RARB: variants seen among roughly 807,000 people sequenced by gnomAD.
RARB encodes HBV-activated protein.
Under a neutral mutation model 51.9 loss-of-function variants are expected in RARB, and 17 were observed. That is an observed-to-expected ratio of 0.33 (90% CI 0.22 to 0.49). The LOEUF (loss-of-function observed/expected upper bound fraction) is 0.49. RARB is among the 20% of genes least tolerant of loss of function. The pLI is 0.99. For synonymous variants in RARB, 215 were observed against 195.4 expected, an observed-to-expected ratio of 1.10 and a Z score of -0.84; for missense variants, 369 against 550.8, an observed-to-expected ratio of 0.67 and a Z score of 3.30.
At chr3:24,884,019 A>G (rs1370037483) in intron 2 of RARB, among the ~76,000 whole-genome samples, 1 of 152,136 alleles carries the variant, frequency 6.6e-6, no homozygotes, top group African/African-American at 2.4e-5. Flanking sequence ...ATCTCGTCAT[A>G]TACTTTCTTG....
At chr3:25,112,114 A>G (rs1265514744) in intron 3 of RARB, among the ~76,000 whole-genome samples, 2 of 152,322 alleles carry the variant, frequency 1.3e-5, no homozygotes, top group Admixed American at 6.5e-5. Flanking sequence ...TAAATAAAAG[A>G]ACAGACTCTT....
intron 2 of RARB, among the ~76,000 whole-genome samples, chr3:25,010,670 A>G (rs994130123): frequency 6.6e-6 from 1 of 152,038 alleles, no homozygotes; most frequent in African/African-American, 2.4e-5. Flanking sequence ...GAGGGATTTA[A>G]TTCTATTCTG....
intron 5 of RARB, among the ~76,000 whole-genome samples, chr3:25,401,371 C>A (rs1707258838): frequency 6.6e-6 from 1 of 152,108 alleles, no homozygotes; most frequent in Non-Finnish European, 1.5e-5. Flanking sequence ...TTTTTTTCAT[C>A]TAGAGCCTTT....
intron 2 of RARB, among the ~76,000 whole-genome samples, chr3:25,031,326 A>G (rs1333047618): frequency 2.0e-5 from 3 of 152,208 alleles, no homozygotes; most frequent in Admixed American, 6.5e-5. Flanking sequence ...CTCATACCAT[A>G]AAACTGTTAA....
chr3:25,057,763 T>A (rs900038044), intron 2 of RARB, among the ~76,000 whole-genome samples: 6 of 152,020 alleles, frequency 3.9e-5, no homozygotes, highest in African/African-American at 1.4e-4. Context: ...AGAAGACTAT[T>A]CCAAATGATT....
Position 25,231,489 on chromosome 3 carries a change from A to G in RARB, c.178+56914A>G, listed in dbSNP as rs6792172. Reference sequence around the variant, plus strand: ...AAGCAATACTCTTTGTTAAGAAGCAATCAGCTCCCAGAGATCTTTTAGGTT... The same window carrying G: ...AAGCAATACTCTTTGTTAAGAAGCAGTCAGCTCCCAGAGATCTTTTAGGTT... On this transcript the variant is annotated intron_variant, in intron 5 of 11. Transcript: ENST00000383772. Among the ~76,000 whole-genome samples the G allele has an allele frequency of 5.8e-3, 880 of 152,250 alleles. 12 individuals are homozygous for G. Among genetic ancestry groups the G allele is most frequent in the African/African-American group, 0.019 (771 of 41,562 alleles).
intron 5 of RARB, among the ~76,000 whole-genome samples, chr3:25,247,289 C>G (rs1265783273): frequency 2.0e-5 from 3 of 152,218 alleles, no homozygotes; most frequent in Non-Finnish European, 4.4e-5. Flanking sequence ...AGCATGACCA[C>G]TAGTATCACT....
intron 5 of RARB, among the ~76,000 whole-genome samples, chr3:25,401,209 G>T (rs1422454789): frequency 1.3e-5 from 2 of 152,222 alleles, no homozygotes; most frequent in East Asian, 3.9e-4. Context: ...AGGGTAGGTG[G>T]ACCCAAGGTA....
chr3:24,992,242 T>A (rs1042480287), intron 2 of RARB, among the ~76,000 whole-genome samples: 5 of 152,220 alleles, frequency 3.3e-5, no homozygotes, highest in Admixed American at 6.5e-5. Flanking sequence ...ACTGGATTTT[T>A]AAAAATATTT....
intron 5 of RARB, among the ~76,000 whole-genome samples, chr3:25,301,048 C>T (rs964590333): frequency 4.6e-5 from 7 of 152,174 alleles, no homozygotes; most frequent in Non-Finnish European, 5.9e-5. Context: ...TTCGACTATA[C>T]AATGAGTTTG....
At chr3:25,001,480 C>T (rs1697156787) in intron 2 of RARB, among the ~76,000 whole-genome samples, 1 of 152,056 alleles carries the variant, frequency 6.6e-6, no homozygotes, top group South Asian at 2.1e-4. Context: ...CTCCCTCAGA[C>T]AGAAAAAATG....
rs190105866 is a variant in RARB at position 25,415,994 on chromosome 3, A to G, written c.179-45199A>G. Among the ~76,000 whole-genome samples, 509 of 152,328 alleles carry G rather than the reference A, an allele frequency of 3.3e-3. 4 individuals carry two copies. Among genetic ancestry groups the G allele is most frequent in the African/African-American group, 0.012 (493 of 41,578 alleles). On this transcript the variant is annotated intron_variant, in intron 5 of 11. Transcript: ENST00000383772. ...ATGCAGGGGCAAGGAACACACAGCA[A>G]TGGACATGACCTAGAGTCCTATTTT... is the stretch of plus-strand genomic sequence containing the variant.
chr3:24,926,757 T>C (rs2125390742), intron 2 of RARB, among the ~76,000 whole-genome samples: 1 of 151,262 alleles, frequency 6.6e-6, no homozygotes, highest in East Asian at 2.0e-4. Flanking sequence ...AAATCAGAGC[T>C]TCTGGGTACT....
chr3:25,309,712 G>A (rs762998020), intron 5 of RARB, among the ~76,000 whole-genome samples: 182 of 151,438 alleles, frequency 1.2e-3, no homozygotes, highest in Non-Finnish European at 1.4e-3. Flanking sequence ...GGCCAGGCTG[G>A]CCTCAAACTC....
In RARB at chr3:24,836,803, G is replaced by A. The variant is rs543674451; in HGVS notation, c.-459+7400G>A. On this transcript the variant is annotated intron_variant, in intron 1 of 11. Coordinates refer to the RARB transcript ENST00000383772. ...ATGAAGATACTTTGGAAAAATTCACGTTAGGAAAAAGAGGGACAGAAACAA... is the reference window on the plus strand; with the variant it reads ...ATGAAGATACTTTGGAAAAATTCACATTAGGAAAAAGAGGGACAGAAACAA... 3.9e-5 allele frequency among the ~76,000 whole-genome samples: 6 copies of A among 152,306 alleles called. No individual in the cohort carries two copies. The South Asian group carries it at 6.2e-4, about 16-fold the overall frequency.
intron 2 of RARB, among the ~76,000 whole-genome samples, chr3:25,016,529 A>C (rs149915492): frequency 1.3e-5 from 2 of 152,170 alleles, no homozygotes; most frequent in African/African-American, 2.4e-5. Context: ...GAATGTTCCA[A>C]CGTTACTGGT....
chr3:25,121,946 T>C (rs1050782586), intron 3 of RARB, among the ~76,000 whole-genome samples: 1 of 152,148 alleles, frequency 6.6e-6, no homozygotes, highest in Admixed American at 6.6e-5. Flanking sequence ...ATATCTTAGT[T>C]CAGCCCTAAG....
At chr3:24,845,571 T>C (rs543714727) in intron 1 of RARB, among the ~76,000 whole-genome samples, 3 of 152,346 alleles carry the variant, frequency 2.0e-5, no homozygotes, top group South Asian at 2.1e-4. Flanking sequence ...CATGTTTAAC[T>C]GTAAAGGAGG....
chr3:25,186,941 T>TG (rs1700993147), intron 5 of RARB, among the ~76,000 whole-genome samples: 1 of 56,328 alleles, frequency 1.8e-5, no homozygotes, highest in African/African-American at 5.5e-5. Flanking sequence ...GTGTGTGTGT[T>TG]TTCCTGCTAA....
Sources: gnomAD v4.1 joint callset for allele counts (sites outside exome capture counted in the v4.1 genomes callset) on GRCh38, gnomAD v4.1.1 for gene constraint, MANE v1.5 for transcripts, NCBI Gene and HGNC (gene_info 2026-07-23, HGNC 2026-07-21) for gene names.